The following TMEM117 variants were observed in gnomAD, a reference collection of about 807,000 sequenced individuals.
TMEM117 encodes transmembrane protein 117.
A neutral mutation model predicts 52.4 loss-of-function variants in TMEM117; 27 were observed. The observed-to-expected ratio is 0.51, with a 90% CI of 0.38 to 0.71. TMEM117 has a LOEUF of 0.71. Among genes scored for constraint, TMEM117 ranks in the 30% least tolerant of loss-of-function variants. The pLI, the probability that TMEM117 is intolerant of heterozygous loss-of-function variation, is 0.00. For synonymous variants in TMEM117, 215 were observed against 206.3 expected, an observed-to-expected ratio of 1.04 and a Z score of -0.36; for missense variants, 556 against 630.5, an observed-to-expected ratio of 0.88 and a Z score of 1.26.
At chr12:44,082,274 A>T (rs888234952) in intron 3 of TMEM117, among the ~76,000 whole-genome samples, 9 of 151,946 alleles carry the variant, frequency 5.9e-5, no homozygotes, top group Non-Finnish European at 1.3e-4. Flanking sequence ...TGGATTTCTT[A>T]GTCCAAATTC....
chr12:44,133,625 A>G (rs1948447475), intron 3 of TMEM117, among the ~76,000 whole-genome samples: 1 of 152,094 alleles, frequency 6.6e-6, no homozygotes, highest in Admixed American at 6.6e-5. Context: ...ATAATTAGTA[A>G]AATTATGAAA....
chr12:43,998,815 A>G (rs192743778), intron 3 of TMEM117, among the ~76,000 whole-genome samples: 155 of 152,372 alleles, frequency 1.0e-3, no homozygotes, highest in Admixed American at 1.6e-3. Flanking sequence ...TATTTGCAGT[A>G]TATGTATCTA....
chr12:44,088,035 T>A (rs943342997), intron 3 of TMEM117, among the ~76,000 whole-genome samples: 6 of 152,180 alleles, frequency 3.9e-5, no homozygotes, highest in Non-Finnish European at 7.3e-5. Context: ...AGCACAGCAT[T>A]CTGTCAGCTG....
At chr12:44,280,085 CT>C (rs563222229) in intron 5 of TMEM117, among the ~76,000 whole-genome samples, 4 of 152,154 alleles carry the variant, frequency 2.6e-5, no homozygotes, top group Admixed American at 6.5e-5. Context: ...CCTATATATA[CT>C]TTTTATTTTT....
intron 2 of TMEM117, among the ~76,000 whole-genome samples, chr12:43,872,749 G>A (rs529730212): frequency 1.3e-5 from 2 of 152,228 alleles, no homozygotes; most frequent in African/African-American, 2.4e-5. Flanking sequence ...GTAGTGTGTC[G>A]TGCCTTGTGG....
At chr12:44,141,201 C>T (rs1435589516) in intron 3 of TMEM117, among the ~76,000 whole-genome samples, 1 of 152,068 alleles carries the variant, frequency 6.6e-6, no homozygotes, top group African/African-American at 2.4e-5. Flanking sequence ...TTGTCAGTAA[C>T]CTCCATGATA....
intron 4 of TMEM117, among the ~76,000 whole-genome samples, chr12:44,164,805 T>A (rs747511358): frequency 6.6e-6 from 1 of 152,174 alleles, no homozygotes; most frequent in Non-Finnish European, 1.5e-5. Flanking sequence ...ATATACAATA[T>A]TTGTACATAC....
chr12:44,048,281 A>G (rs146287263), intron 3 of TMEM117, among the ~76,000 whole-genome samples: 14 of 152,018 alleles, frequency 9.2e-5, no homozygotes, highest in East Asian at 5.8e-4. Context: ...CGATTTTACA[A>G]TCATTTTCAA....
chr12:44,340,737 A>G (rs771039037), intron 6 of TMEM117, among the ~76,000 whole-genome samples: 1 of 152,124 alleles, frequency 6.6e-6, no homozygotes, highest in Non-Finnish European at 1.5e-5. Flanking sequence ...TGTTACAAGC[A>G]TCTATATGCT....
intron 2 of TMEM117, among the ~76,000 whole-genome samples, chr12:43,920,941 C>T (rs1280790422): frequency 1.3e-5 from 2 of 152,082 alleles, no homozygotes; most frequent in African/African-American, 4.8e-5. Flanking sequence ...CACACTCCTG[C>T]TTTTTGTTAG....
At chr12:44,320,221 C>G (rs1453142337) in intron 6 of TMEM117, among the ~76,000 whole-genome samples, 2 of 152,318 alleles carry the variant, frequency 1.3e-5, no homozygotes, top group East Asian at 3.9e-4. Flanking sequence ...TACTTATCTT[C>G]CAGTCAGCCA....
In TMEM117 at chr12:44,388,477, AG is replaced by A; in HGVS notation, c.1351del (p.Glu451LysfsTer7). 6.2e-7 allele frequency: 1 copy of A among 1,613,532 alleles called. No individual in the cohort carries two copies. The highest frequency in any genetic ancestry group is 8.5e-7 in the Non-Finnish European group (1 of 1,179,686). On this transcript the variant is annotated frameshift_variant, in exon 8 of 8. Coordinates refer to ENST00000266534, the MANE Select transcript of TMEM117 (RefSeq NM_032256.3). LOFTEE classifies it high-confidence loss of function. ...ATAGCAAAGACATGGGAATCACTCGAGAAAACACCCAGGCTTCAGTAGAAGA... is the reference window on the plus strand; with the variant it reads ...ATAGCAAAGACATGGGAATCACTCGAAAAACACCCAGGCTTCAGTAGAAGA... ...EHSKDMGITRENTQASVEDPL... is the reference protein window; with the variant it reads ...EHSKDMGITRXNTQASVEDPL...
chr12:44,211,277 T>A lies in TMEM117; in HGVS notation c.511-13T>A. 1 of 1,582,116 alleles carries A rather than the reference T, an allele frequency of 6.3e-7. No homozygotes were observed. Among genetic ancestry groups the A allele is most frequent in the Non-Finnish European group, 8.7e-7 (1 of 1,154,178 alleles). On this transcript the variant is annotated splice_polypyrimidine_tract_variant and intron_variant, in intron 4 of 7. Transcript: ENST00000266534. ...TTCTGAAAGTGCTGAATAAGTTCCT[T>A]TCATTGCTTCAGGTCACTGATATGA...
intron 6 of TMEM117, among the ~76,000 whole-genome samples, chr12:44,362,898 G>T (rs1951740865): frequency 6.6e-6 from 1 of 151,186 alleles, no homozygotes; most frequent in East Asian, 1.9e-4. Context: ...TGTTACCCAG[G>T]CTGGAGTGCA....
chr12:43,799,442 G>C, the TMEM117 span: 30 of 1,610,344 alleles, frequency 1.9e-5, no homozygotes, highest in African/African-American at 4.0e-5. Context: ...GCTGCAGTCA[G>C]TGGGGCAGGG....
intron 3 of TMEM117, among the ~76,000 whole-genome samples, chr12:44,079,967 G>A (rs986121223): frequency 2.0e-5 from 3 of 147,120 alleles, no homozygotes; most frequent in South Asian, 2.2e-4. Context: ...GTAGTGCACC[G>A]AGATGATGGC....
At chr12:43,955,846 CAAG>C (rs1428717241) in intron 3 of TMEM117, among the ~76,000 whole-genome samples, 2 of 152,088 alleles carry the variant, frequency 1.3e-5, no homozygotes, top group African/African-American at 2.4e-5. Context: ...CAGTTGTAAG[CAAG>C]AAGAACAAAG....
the TMEM117 span, among the ~76,000 whole-genome samples, chr12:43,817,685 CT>C: frequency 6.6e-6 from 1 of 152,152 alleles, no homozygotes; most frequent in African/African-American, 2.4e-5. Context: ...TGAAGGTACA[CT>C]TTATTAGATT....
At chr12:43,823,925 T>A in the TMEM117 span, among the ~76,000 whole-genome samples, 1 of 152,224 alleles carries the variant, frequency 6.6e-6, no homozygotes, top group Non-Finnish European at 1.5e-5. Context: ...AAGAAACATT[T>A]GTGCCAGCTT....
Sources: gnomAD v4.1 joint callset for allele counts (sites outside exome capture counted in the v4.1 genomes callset) on GRCh38, gnomAD v4.1.1 for gene constraint, MANE v1.5 for transcripts, NCBI Gene and HGNC (gene_info 2026-07-23, HGNC 2026-07-21) for gene names.